BCO1: variants seen among roughly 807,000 people sequenced by gnomAD.
BCO1 encodes beta,beta-carotene 15,15'-dioxygenase.
BCO1 carries 54 observed loss-of-function variants against 56.3 expected under a neutral mutation model. The ratio of observed to expected loss-of-function variants is 0.96; its 90% CI spans 0.77 to 1.20. The LOEUF (loss-of-function observed/expected upper bound fraction) is 1.20, where lower values mean the gene tolerates loss of function less well. Among genes scored for constraint, BCO1 ranks in the 50% most tolerant of loss-of-function variants. The pLI is 0.00. For missense variants in BCO1, 801 were observed against 690.9 expected (o/e 1.16, Z -1.79); for synonymous variants, 318 against 266.1 (o/e 1.20, Z -1.90).
rs765800850 is a variant in BCO1, at chr16:81,245,611, C to T, written c.193+8C>T. On this transcript the variant is annotated splice_region_variant and intron_variant, in intron 2 of 10. Transcript: ENST00000258168. ...GCTTCACCATCAGAGACGGTGAGAACACCCACGAGTGTGCTGCCACTGCTG... is the reference window on the plus strand; with the variant it reads ...GCTTCACCATCAGAGACGGTGAGAATACCCACGAGTGTGCTGCCACTGCTG... 1.2e-6 allele frequency: 2 copies of T among 1,614,028 alleles called. No homozygotes were observed. Among genetic ancestry groups the T allele is most frequent in the African/African-American group, 2.7e-5 (2 of 74,938 alleles).
chr16:81,273,639 C>CCTT (rs112398140), intron 7 of BCO1, among the ~76,000 whole-genome samples: 1 of 146,300 alleles, frequency 6.8e-6, no homozygotes, highest in Non-Finnish European at 1.5e-5. Flanking sequence ...TTTAAAAATC[C>CCTT]TTTTTTTTTT....
At chr16:81,272,955 C>A (rs1468294469) in intron 7 of BCO1, among the ~76,000 whole-genome samples, 1 of 152,074 alleles carries the variant, frequency 6.6e-6, no homozygotes, top group African/African-American at 2.4e-5. Context: ...CCCAGTCTGT[C>A]TCTAAACCCC....
At chr16:81,252,937 C>G (rs753172191) in intron 2 of BCO1, among the ~76,000 whole-genome samples, 1 of 151,984 alleles carries the variant, frequency 6.6e-6, no homozygotes, top group African/African-American at 2.4e-5. Flanking sequence ...GGTGAAACCC[C>G]CTCTCTAGTA....
intron 6 of BCO1, among the ~76,000 whole-genome samples, chr16:81,269,316 C>G (rs1597365134): frequency 8.0e-6 from 1 of 125,610 alleles, no homozygotes; most frequent in Admixed American, 8.0e-5. Flanking sequence ...TTTTTTTTTT[C>G]AGATAGAGTC....
intron 2 of BCO1, among the ~76,000 whole-genome samples, chr16:81,249,553 GC>G (rs1240038309): frequency 6.6e-6 from 1 of 152,084 alleles, no homozygotes; most frequent in Non-Finnish European, 1.5e-5. Context: ...ACTGTGCCCG[GC>G]CCCGGCTAGG....
At chr16:81,269,766 C>G (rs760680372) in intron 6 of BCO1, among the ~76,000 whole-genome samples, 1 of 152,198 alleles carries the variant, frequency 6.6e-6, no homozygotes, top group Non-Finnish European at 1.5e-5. Context: ...TGTGCCCTGC[C>G]AAGGCTCCAG....
chr16:81,245,453 T>TTTGCAGGTGG (rs745937301), intron 1 of BCO1, 22 bp from the exon 2 acceptor site: 7 of 1,614,084 alleles, frequency 4.3e-6, no homozygotes, highest in Non-Finnish European at 5.9e-6. Context: ...AACGGGAAAC[T>TTTGCAGGTGG]AAACATTCTC....
chr16:81,277,477 T>G (rs916844081), intron 7 of BCO1, among the ~76,000 whole-genome samples: 1 of 152,168 alleles, frequency 6.6e-6, no homozygotes, highest in Non-Finnish European at 1.5e-5. Context: ...TCTCAACCAT[T>G]ATTTAATTTA....
At chr16:81,271,034 G>A (rs1907179843) in intron 7 of BCO1, among the ~76,000 whole-genome samples, 1 of 150,908 alleles carries the variant, frequency 6.6e-6, no homozygotes, top group African/African-American at 2.4e-5. Context: ...GTGAGCCACT[G>A]CACCTGGCTG....
Position 81,238,968 on chromosome 16 carries a change from G to T in BCO1, c.60G>T (p.Val20=). The change falls in exon 1 of 11, where the codon GTG becomes GTT. Residue 20 remains valine, a synonymous_variant. Transcript: ENST00000258168. ...KEQLEPVRAK[V]TGKIPAWLQG... is the part of the protein sequence containing the mutation. Reference sequence around the variant, plus strand: ...AGCTGGAGCCTGTGAGGGCCAAAGTGACAGGTGAGCATTCTGATAAACACT... The same window carrying T: ...AGCTGGAGCCTGTGAGGGCCAAAGTTACAGGTGAGCATTCTGATAAACACT... The T allele has an allele frequency of 6.2e-7, 1 of 1,613,572 alleles. No homozygotes were observed. Among genetic ancestry groups the T allele is most frequent in the South Asian group, 1.1e-5 (1 of 91,058 alleles).
Position 81,240,630 on chromosome 16 carries a change from C to T in BCO1, c.64+1658C>T, listed in dbSNP as rs1052936843. On this transcript the variant is annotated intron_variant, in intron 1 of 10. Coordinates refer to ENST00000258168, the MANE Select transcript of BCO1 (RefSeq NM_017429.3). ...TGAGGTAGTAGAATTGCTTGAACCCCGGAGGCAGAGGTTGCAGTGAGCTGA... is the reference window on the plus strand; with the variant it reads ...TGAGGTAGTAGAATTGCTTGAACCCTGGAGGCAGAGGTTGCAGTGAGCTGA... 1.3e-4 allele frequency among the ~76,000 whole-genome samples: 19 copies of T among 151,612 alleles called. 1 individual carries two copies. The highest frequency in any genetic ancestry group is 2.4e-4 in the African/African-American group (10 of 41,288).
At chr16:81,261,175 A>C (rs1391213785) in intron 3 of BCO1, among the ~76,000 whole-genome samples, 6 of 152,200 alleles carry the variant, frequency 3.9e-5, no homozygotes, top group Non-Finnish European at 8.8e-5. Context: ...TAGCAGGATC[A>C]CGAATTTGAA....
At chr16:81,248,878 G>A (rs1905596760) in intron 2 of BCO1, among the ~76,000 whole-genome samples, 1 of 152,090 alleles carries the variant, frequency 6.6e-6, no homozygotes, top group Non-Finnish European at 1.5e-5. Flanking sequence ...CGGATGTGGT[G>A]GCAGGCAACT....
At chr16:81,286,015 C>T (rs1908160210) in intron 9 of BCO1, among the ~76,000 whole-genome samples, 2 of 151,068 alleles carry the variant, frequency 1.3e-5, no homozygotes, top group Admixed American at 1.3e-4. Flanking sequence ...ATTTATTTTG[C>T]TTCTTTTTTT....
At chr16:81,280,094 C>T (rs946097602) in intron 7 of BCO1, among the ~76,000 whole-genome samples, 1 of 151,748 alleles carries the variant, frequency 6.6e-6, no homozygotes, top group Non-Finnish European at 1.5e-5. Flanking sequence ...GAAACCCCAT[C>T]TCCACTAAAA....
intron 1 of BCO1, among the ~76,000 whole-genome samples, chr16:81,243,480 CATTT>C (rs1597342118): frequency 6.6e-6 from 1 of 152,178 alleles, no homozygotes; most frequent in East Asian, 1.9e-4. Context: ...TTCATTCATT[CATTT>C]ATGAGACGGA....
intron 7 of BCO1, among the ~76,000 whole-genome samples, chr16:81,274,344 A>G (rs1265646814): frequency 6.8e-6 from 1 of 146,750 alleles, no homozygotes; most frequent in Non-Finnish European, 1.5e-5. Context: ...GCTCACTGCA[A>G]GCTCCGCCTC....
At chr16:81,270,637 C>A (rs961446703) in intron 7 of BCO1, among the ~76,000 whole-genome samples, 1 of 146,302 alleles carries the variant, frequency 6.8e-6, no homozygotes, top group East Asian at 1.9e-4. Flanking sequence ...AAACCTACCA[C>A]CGAAGATGAT....
At chr16:81,263,479 A>G (rs1464253398) in intron 4 of BCO1, 1 of 152,202 alleles carries the variant, frequency 6.6e-6, no homozygotes, top group East Asian at 1.9e-4. Context: ...GACATCTATA[A>G]AGACCTTATT....
Sources: allele counts gnomAD v4.1 joint callset (sites outside exome capture counted in the v4.1 genomes callset), GRCh38; gene constraint gnomAD v4.1.1; transcripts MANE v1.5; gene names NCBI Gene and HGNC (gene_info 2026-07-23, HGNC 2026-07-21).